SAMMSON: variants seen among roughly 807,000 people sequenced by gnomAD.
The protein encoded by SAMMSON is long intergenic non-protein coding RNA 1212.
In SAMMSON at chr3:70,132,786, AAAAG is replaced by A. The variant is rs1490302853; in HGVS notation, n.507+61225_507+61228del. 1.6e-3 allele frequency among the ~76,000 whole-genome samples: 103 copies of A among 64,384 alleles called. 2 individuals are homozygous for A. The South Asian group carries it at 0.023, about 15-fold the overall frequency. The allele number at this position is 64,384 out of a possible 152,430, so 42.2% of individuals were successfully genotyped here. A position where few individuals can be genotyped will look rare whatever the true frequency, so the allele number is the denominator to read the frequency against. The stretch of plus-strand genomic sequence containing the variant: ...ATGAGACCCTAAAAAAAAAAAAAAG[AAAAG>A]AAAAAAAAAACAATTTATGAACCTT... On this transcript the variant is annotated intron_variant and non_coding_transcript_variant, in intron 4 of 9. Coordinates refer to ENST00000642114, the Ensembl canonical transcript of SAMMSON.
At chr3:70,096,736 A>G (rs1226708614) in intron 4 of SAMMSON, among the ~76,000 whole-genome samples, 1 of 152,184 alleles carries the variant, frequency 6.6e-6, no homozygotes, top group African/African-American at 2.4e-5. Context: ...TACAGAATTA[A>G]TTAGTTAATT....
At chr3:70,269,722 C>A (rs1559549846) in intron 6 of SAMMSON, among the ~76,000 whole-genome samples, 2 of 151,088 alleles carry the variant, frequency 1.3e-5, no homozygotes, top group Admixed American at 6.6e-5. Flanking sequence ...GAATTAATGA[C>A]AAAACTGTTT....
intron 3 of SAMMSON, among the ~76,000 whole-genome samples, chr3:70,042,233 C>T (rs1317598508): frequency 6.6e-6 from 1 of 152,084 alleles, no homozygotes; most frequent in Non-Finnish European, 1.5e-5. Context: ...AATTTGGGAT[C>T]TCACTAGAAA....
intron 4 of SAMMSON, among the ~76,000 whole-genome samples, chr3:70,189,624 T>A (rs759737958): frequency 3.9e-5 from 6 of 152,184 alleles, no homozygotes; most frequent in Non-Finnish European, 8.8e-5. Context: ...GTAAAAAATA[T>A]GTTGGTTGGA....
intron 4 of SAMMSON, among the ~76,000 whole-genome samples, chr3:70,091,182 T>C (rs1459156069): frequency 6.6e-6 from 1 of 152,196 alleles, no homozygotes; most frequent in Non-Finnish European, 1.5e-5. Flanking sequence ...AGTCTATTTT[T>C]GATTAGGCTG....
chr3:70,115,712 T>G (rs183285626), intron 4 of SAMMSON, among the ~76,000 whole-genome samples: 1 of 152,162 alleles, frequency 6.6e-6, no homozygotes, highest in Non-Finnish European at 1.5e-5. Context: ...TCTACAGACA[T>G]AGGAATTTAT....
intron 4 of SAMMSON, among the ~76,000 whole-genome samples, chr3:70,245,104 G>A (rs1395388157): frequency 6.6e-6 from 1 of 152,066 alleles, no homozygotes; most frequent in Non-Finnish European, 1.5e-5. Flanking sequence ...AGAAACCTAA[G>A]CTCATTTCCT....
chr3:70,128,885 G>A (rs1347639815), intron 4 of SAMMSON, among the ~76,000 whole-genome samples: 3 of 152,144 alleles, frequency 2.0e-5, no homozygotes, highest in Admixed American at 2.0e-4. Flanking sequence ...TGGTAGTGCA[G>A]GAAAGTGAAA....
At chr3:70,208,948 G>A (rs1324944689) in intron 4 of SAMMSON, among the ~76,000 whole-genome samples, 1 of 151,960 alleles carries the variant, frequency 6.6e-6, no homozygotes, top group Non-Finnish European at 1.5e-5. Context: ...AACATCTGTC[G>A]TTGAAAGCAA....
intron 7 of SAMMSON, among the ~76,000 whole-genome samples, chr3:70,305,540 G>A (rs1325699165): frequency 6.6e-6 from 1 of 152,154 alleles, no homozygotes; most frequent in East Asian, 1.9e-4. Context: ...TTATAATAAA[G>A]CACTTAAGTA....
chr3:70,232,543 G>T (rs1047470845), intron 4 of SAMMSON, among the ~76,000 whole-genome samples: 7 of 152,026 alleles, frequency 4.6e-5, no homozygotes, highest in Admixed American at 3.3e-4. Flanking sequence ...GGGATTACAG[G>T]TGCCCGCCAC....
At chr3:70,083,321 G>A (rs1269830332) in intron 4 of SAMMSON, among the ~76,000 whole-genome samples, 1 of 152,152 alleles carries the variant, frequency 6.6e-6, no homozygotes, top group Non-Finnish European at 1.5e-5. Context: ...AAGTTTACAT[G>A]TCAGCTCCCT....
chr3:70,229,254 C>T (rs1359288874), intron 4 of SAMMSON, among the ~76,000 whole-genome samples: 2 of 152,050 alleles, frequency 1.3e-5, no homozygotes, highest in Non-Finnish European at 2.9e-5. Context: ...CAGAGATAGC[C>T]AAGGAGGGTG....
chr3:70,369,013 T>C (rs9838806), intron 9 of SAMMSON, among the ~76,000 whole-genome samples: 2,368 of 151,784 alleles, frequency 0.016, 56 homozygotes, highest in African/African-American at 0.041. Flanking sequence ...TTATGTAGAT[T>C]TTCTTTGATT....
intron 4 of SAMMSON, among the ~76,000 whole-genome samples, chr3:70,079,940 A>G (rs757841163): frequency 2.0e-5 from 3 of 152,160 alleles, no homozygotes; most frequent in African/African-American, 4.8e-5. Flanking sequence ...GCTTGCTGAT[A>G]TGGGTGGCAC....
chr3:70,322,154 A>T (rs1702543082), intron 7 of SAMMSON, among the ~76,000 whole-genome samples: 1 of 152,146 alleles, frequency 6.6e-6, no homozygotes, highest in Non-Finnish European at 1.5e-5. Flanking sequence ...ATAAGAAAAC[A>T]TTGATTTATT....
intron 9 of SAMMSON, among the ~76,000 whole-genome samples, chr3:70,366,001 T>TTTGTTG (rs1362861416): frequency 4.6e-5 from 1 of 21,770 alleles, no homozygotes; most frequent in African/African-American, 1.7e-4. Context: ...TTTTTTTTTT[T>TTTGTTG]GAGACGGAGT....
intron 7 of SAMMSON, among the ~76,000 whole-genome samples, chr3:70,310,457 C>A (rs77008710): frequency 6.6e-6 from 1 of 150,556 alleles, no homozygotes; most frequent in African/African-American, 2.5e-5. Context: ...CCTCTGCCTC[C>A]CCAGTTCAAG....
intron 3 of SAMMSON, among the ~76,000 whole-genome samples, chr3:70,049,315 G>A (rs2107588773): frequency 6.6e-6 from 1 of 152,168 alleles, no homozygotes; most frequent in Admixed American, 6.5e-5. Context: ...TTCCTGGGTG[G>A]CCAGGAAAGG....
Sources: allele counts gnomAD v4.1 joint callset (sites outside exome capture counted in the v4.1 genomes callset), GRCh38; gene constraint gnomAD v4.1.1; transcripts MANE v1.5; gene names NCBI Gene and HGNC (gene_info 2026-07-23, HGNC 2026-07-21).